The following SOX6 variants were observed in gnomAD, a reference collection of about 807,000 sequenced individuals.
The protein encoded by SOX6 is transcription factor SOX-6.
Under a neutral mutation model 97.8 loss-of-function variants are expected in SOX6, and 11 were observed. The ratio of observed to expected loss-of-function variants is 0.11; its 90% CI spans 0.07 to 0.19. The LOEUF (loss-of-function observed/expected upper bound fraction) is 0.19. SOX6 is among the 10% of genes least tolerant of loss of function. SOX6 has a pLI of 1.00. For missense variants in SOX6, 810 were observed against 1,039.5 expected (o/e 0.78, Z 3.04); for synonymous variants, 360 against 371.4 (o/e 0.97, Z 0.35).
intron 6 of SOX6, among the ~76,000 whole-genome samples, chr11:16,129,715 G>A (rs1304360677): frequency 6.6e-6 from 1 of 151,920 alleles, no homozygotes; most frequent in Non-Finnish European, 1.5e-5. Flanking sequence ...CATTTCAATA[G>A]GTGCAGAGTA....
chr11:16,234,796 G>T (rs1205924819), intron 3 of SOX6, 125 bp from the exon 4 acceptor site: 2 of 516,220 alleles, frequency 3.9e-6, no homozygotes, highest in Non-Finnish European at 6.7e-6. Context: ...TTGAACCCCA[G>T]GATATAGAAA....
At chr11:16,400,454 C>G (rs1405119289) in intron 1 of SOX6, among the ~76,000 whole-genome samples, 3 of 151,306 alleles carry the variant, frequency 2.0e-5, no homozygotes, top group Admixed American at 6.6e-5. Flanking sequence ...TAATAATAAA[C>G]AAGATATTCT....
At chr11:16,451,790 T>G (rs1859720405) in intron 1 of SOX6, among the ~76,000 whole-genome samples, 1 of 151,748 alleles carries the variant, frequency 6.6e-6, no homozygotes, top group Non-Finnish European at 1.5e-5. Context: ...TCCCAACACT[T>G]TGGGAGGCCG....
intron 4 of SOX6, among the ~76,000 whole-genome samples, chr11:16,499,556 CT>C (rs1360558605): frequency 5.3e-5 from 8 of 152,094 alleles, no homozygotes; most frequent in Admixed American, 2.6e-4. Context: ...AATTGATAAA[CT>C]GTTAGCAAGA....
At chr11:15,997,068 C>A (rs1175339540) in intron 13 of SOX6, among the ~76,000 whole-genome samples, 1 of 151,962 alleles carries the variant, frequency 6.6e-6, no homozygotes, top group Non-Finnish European at 1.5e-5. Flanking sequence ...AGATACTACC[C>A]ATATTACAAA....
At chr11:15,980,755 A>G (rs146741410) in intron 15 of SOX6, among the ~76,000 whole-genome samples, 1 of 152,196 alleles carries the variant, frequency 6.6e-6, no homozygotes, top group African/African-American at 2.4e-5. Flanking sequence ...AGAATGTCCC[A>G]TGCTTGGCCA....
At chr11:16,220,644 T>C (rs550122076) in intron 4 of SOX6, among the ~76,000 whole-genome samples, 18 of 152,020 alleles carry the variant, frequency 1.2e-4, no homozygotes, top group African/African-American at 4.3e-4. Context: ...GTGGCACATA[T>C]CCAAATTCTC....
rs565257417 is a variant in SOX6, at chr11:16,204,640, C to T, written c.536-17685G>A. On this transcript the variant is annotated intron_variant, in intron 4 of 15. Coordinates refer to ENST00000683767, the MANE Select transcript of SOX6 (RefSeq NM_001367873.1). ...TTGTTCTCTACTATATTTCTGACCC[C>T]TGGTTCAACCGTGATTAATCTATAT... Among the ~76,000 whole-genome samples the T allele has an allele frequency of 9.2e-5, 14 of 152,190 alleles. No individual in the cohort carries two copies. The South Asian group carries it at 2.3e-3, about 25-fold the overall frequency.
intron 1 of SOX6, among the ~76,000 whole-genome samples, chr11:16,348,771 C>A (rs1464769550): frequency 6.6e-6 from 1 of 152,094 alleles, no homozygotes; most frequent in Non-Finnish European, 1.5e-5. Context: ...TTGAAAAGGA[C>A]AGGCAGGATT....
intron 2 of SOX6, 132 bp downstream of exon 2, chr11:16,340,865 AGTATCTTAGTAATAT>A (rs1856607234): frequency 9.1e-7 from 1 of 1,103,222 alleles, no homozygotes; most frequent in South Asian, 1.5e-5. Flanking sequence ...TCCAGTTATT[AGTATCTTAGTAATAT>A]GTACCTGGTA....
intron 1 of SOX6, among the ~76,000 whole-genome samples, chr11:16,381,629 C>T (rs1017705425): frequency 1.3e-5 from 2 of 151,868 alleles, no homozygotes; most frequent in African/African-American, 4.8e-5. Context: ...ATACATTCTT[C>T]ATGAAAATAT....
intron 6 of SOX6, among the ~76,000 whole-genome samples, chr11:16,164,013 G>T (rs1056685276): frequency 3.9e-5 from 6 of 152,262 alleles, no homozygotes; most frequent in Admixed American, 2.6e-4. Flanking sequence ...TTGAGGCAAG[G>T]TCTCGCTCTG....
chr11:16,055,664 C>T, intron 10 of SOX6, 88 bp downstream of exon 10: 2 of 1,525,256 alleles, frequency 1.3e-6, no homozygotes, highest in Non-Finnish European at 1.8e-6. Flanking sequence ...ATGTTTCCTG[C>T]TGTTTATGCC....
chr11:16,406,959 A>T (rs1463360782), intron 1 of SOX6, among the ~76,000 whole-genome samples: 1 of 152,148 alleles, frequency 6.6e-6, no homozygotes, highest in Non-Finnish European at 1.5e-5. Context: ...CTTCCAATTT[A>T]AAAATTACAG....
intron 1 of SOX6, among the ~76,000 whole-genome samples, chr11:16,411,532 GATATTATTTTA>G (rs1432868749): frequency 6.6e-6 from 1 of 151,868 alleles, no homozygotes; most frequent in Non-Finnish European, 1.5e-5. Context: ...AAAAAAACAG[GATATTATTTTA>G]ATGTTGGGAT....
intron 3 of SOX6, among the ~76,000 whole-genome samples, chr11:16,709,884 T>G (rs1848164600): frequency 6.6e-6 from 1 of 152,202 alleles, no homozygotes; most frequent in African/African-American, 2.4e-5. Context: ...AGAATGAATA[T>G]CTCACACTTC....
At chr11:16,291,180 A>G (rs937549696) in intron 3 of SOX6, among the ~76,000 whole-genome samples, 1 of 148,822 alleles carries the variant, frequency 6.7e-6, no homozygotes, top group Non-Finnish European at 1.5e-5. Context: ...TGGAATCAAT[A>G]GTTTTTTCAG....
Position 16,318,501 on chromosome 11 carries a change from C to G in SOX6, c.390G>C (p.Val130=). 3 of 1,613,560 alleles carry G rather than the reference C, an allele frequency of 1.9e-6. No individual in the cohort carries two copies. Among genetic ancestry groups the G allele is most frequent in the Non-Finnish European group, 2.5e-6 (3 of 1,179,766 alleles). Residue 130 remains valine, a synonymous_variant, in exon 3 of 16, where the codon GTG becomes GTC. Coordinates refer to ENST00000683767, the MANE Select transcript of SOX6 (RefSeq NM_001367873.1). ...GCTTCTTCTGTTTCAGTGTGTCCAC[C>G]ACATCGGCAAGACTCCCTTTGCGGC... ...PERRKGSLAD[V]VDTLKQKKLE...
At chr11:16,217,074 A>G (rs755933484) in intron 4 of SOX6, among the ~76,000 whole-genome samples, 16 of 152,222 alleles carry the variant, frequency 1.1e-4, no homozygotes, top group Non-Finnish European at 1.9e-4. Flanking sequence ...GAAAGCCTGT[A>G]TTTAAGCAAA....
Sources: allele counts gnomAD v4.1 joint callset (sites outside exome capture counted in the v4.1 genomes callset), GRCh38; gene constraint gnomAD v4.1.1; transcripts MANE v1.5; gene names NCBI Gene and HGNC (gene_info 2026-07-23, HGNC 2026-07-21).